AAMDC: variants seen among roughly 807,000 people sequenced by gnomAD.
The protein encoded by AAMDC is adipogenesis associated Mth938 domain containing.
A neutral mutation model predicts 15.5 loss-of-function variants in AAMDC; 16 were observed. The observed-to-expected ratio is 1.03, with a 90% CI of 0.70 to 1.57. AAMDC has a LOEUF of 1.57. Among genes scored for constraint, AAMDC ranks in the 40% most tolerant of loss-of-function variants. AAMDC has a pLI of 0.00. For synonymous variants in AAMDC, 51 were observed against 51.6 expected, an observed-to-expected ratio of 0.99 and a Z score of 0.05; for missense variants, 141 against 144.9, an observed-to-expected ratio of 0.97 and a Z score of 0.14.
At chr11:77,834,441 GTTTTTT>G (rs11438814) in intron 1 of AAMDC, among the ~76,000 whole-genome samples, 1 of 105,546 alleles carries the variant, frequency 9.5e-6, no homozygotes, top group African/African-American at 3.6e-5. Flanking sequence ...AGTTGATTTT[GTTTTTT>G]TTTTTTTTTT....
chr11:77,826,255 G>A (rs896535684), intron 1 of AAMDC, among the ~76,000 whole-genome samples: 9 of 151,814 alleles, frequency 5.9e-5, no homozygotes, highest in African/African-American at 1.9e-4. Context: ...CCAGCTACTC[G>A]GGAGGCTGAG....
At chr11:77,832,482 A>G (rs1949478913) in intron 1 of AAMDC, among the ~76,000 whole-genome samples, 1 of 151,860 alleles carries the variant, frequency 6.6e-6, no homozygotes, top group African/African-American at 2.4e-5. Context: ...ATGCGCCACC[A>G]TGCCCACCTA....
chr11:77,900,617 C>A (rs1473190528), exon 6 of AAMDC: 1 of 699,570 alleles, frequency 1.4e-6, no homozygotes, highest in Non-Finnish European at 2.6e-6. Flanking sequence ...CAATGAGTCA[C>A]CTAAGTACTT....
intron 2 of AAMDC, among the ~76,000 whole-genome samples, chr11:77,857,898 T>A (rs1041227256): frequency 6.6e-6 from 1 of 152,110 alleles, no homozygotes; most frequent in African/African-American, 2.4e-5. Flanking sequence ...GGTTTCACCA[T>A]ATTGGCCAGG....
intron 1 of AAMDC, chr11:77,841,210 A>G (rs1949917781): frequency 2.8e-6 from 2 of 702,318 alleles, no homozygotes; most frequent in Admixed American, 4.0e-5. Context: ...CTCATGGCCT[A>G]ATCAGCTCTT....
intron 5 of AAMDC, among the ~76,000 whole-genome samples, chr11:77,897,839 T>C (rs1952599039): frequency 1.3e-5 from 2 of 151,798 alleles, no homozygotes; most frequent in African/African-American, 4.8e-5. Context: ...CATAGGGTCT[T>C]GTTCTGTTGC....
At chr11:77,874,957 G>A (rs193060616), downstream of AAMDC, among the ~76,000 whole-genome samples, 11 of 151,948 alleles carry the variant, frequency 7.2e-5, no homozygotes, top group Admixed American at 6.6e-4. Flanking sequence ...CAGGAGAATC[G>A]CTGGAACCAG....
intron 2 of AAMDC, among the ~76,000 whole-genome samples, chr11:77,846,532 C>A (rs1950155319): frequency 6.6e-6 from 1 of 152,144 alleles, no homozygotes; most frequent in Non-Finnish European, 1.5e-5. Flanking sequence ...CGTGGAGAAA[C>A]CCCGTCTCTA....
intron 2 of AAMDC, among the ~76,000 whole-genome samples, chr11:77,865,012 C>T (rs1951046328): frequency 6.6e-6 from 1 of 152,076 alleles, no homozygotes; most frequent in Non-Finnish European, 1.5e-5. Flanking sequence ...ACTCTATTTC[C>T]ATAGTTCTTA....
chr11:77,898,217 G>A (rs1952615192), intron 5 of AAMDC, among the ~76,000 whole-genome samples: 1 of 152,188 alleles, frequency 6.6e-6, no homozygotes, highest in Non-Finnish European at 1.5e-5. Context: ...AGGCTGGAGT[G>A]CAGTGGTGCG....
chr11:77,833,811 A>T (rs1433129780), intron 1 of AAMDC, among the ~76,000 whole-genome samples: 3 of 152,216 alleles, frequency 2.0e-5, no homozygotes, highest in African/African-American at 7.2e-5. Context: ...CTATCATTCC[A>T]TCTAGATTTT....
At chr11:77,882,246 T>C (rs567786729) in intron 5 of AAMDC, among the ~76,000 whole-genome samples, 56 of 152,234 alleles carry the variant, frequency 3.7e-4, no homozygotes, top group African/African-American at 1.3e-3. Flanking sequence ...AGGCTCAGGA[T>C]CGCCTGGCAA....
chr11:77,888,562 A>G (rs192693414), intron 5 of AAMDC, among the ~76,000 whole-genome samples: 257 of 152,372 alleles, frequency 1.7e-3, no homozygotes, highest in African/African-American at 5.5e-3. Flanking sequence ...ACAAAGGCCA[A>G]AATTGAGAAA....
chr11:77,858,133 G>A (rs188619066), intron 2 of AAMDC, among the ~76,000 whole-genome samples: 63 of 151,052 alleles, frequency 4.2e-4, no homozygotes, highest in Admixed American at 4.0e-4. Flanking sequence ...ATCCTGTCGC[G>A]TCAGCCTCCT....
At chr11:77,858,885 T>G (rs755540770) in intron 2 of AAMDC, among the ~76,000 whole-genome samples, 2 of 152,184 alleles carry the variant, frequency 1.3e-5, no homozygotes, top group African/African-American at 2.4e-5. Context: ...CTGGAAGAGA[T>G]AAACTTAACA....
At chr11:77,857,166 C>T (rs953081269) in intron 2 of AAMDC, among the ~76,000 whole-genome samples, 21 of 151,966 alleles carry the variant, frequency 1.4e-4, no homozygotes, top group African/African-American at 5.1e-4. Flanking sequence ...AGTAATTAAG[C>T]AAAAAGATAA....
intron 1 of AAMDC, chr11:77,841,186 A>C (rs1433047718): frequency 1.7e-5 from 12 of 702,048 alleles, no homozygotes; most frequent in Non-Finnish European, 3.1e-5. Context: ...TAATCTATTC[A>C]TGAGGGTGGA....
At chr11:77,865,976 A>G (rs1174601495) in intron 2 of AAMDC, among the ~76,000 whole-genome samples, 1 of 152,244 alleles carries the variant, frequency 6.6e-6, no homozygotes, top group Non-Finnish European at 1.5e-5. Context: ...AGCAATAATG[A>G]GAATGTGACT....
At chr11:77,827,362 G>T (rs1212610392) in intron 1 of AAMDC, among the ~76,000 whole-genome samples, 1 of 152,160 alleles carries the variant, frequency 6.6e-6, no homozygotes, top group African/African-American at 2.4e-5. Context: ...TACCTCATGT[G>T]AATCTAGCAA....
Sources: gnomAD v4.1 joint callset for allele counts (sites outside exome capture counted in the v4.1 genomes callset) on GRCh38, gnomAD v4.1.1 for gene constraint, MANE v1.5 for transcripts, NCBI Gene and HGNC (gene_info 2026-07-23, HGNC 2026-07-21) for gene names.